TSNARE1: variants seen among roughly 807,000 people sequenced by gnomAD.
TSNARE1 encodes the protein t-SNARE domain-containing protein 1.
In TSNARE1, 49 loss-of-function variants were observed where a neutral mutation model predicts 62.0. The observed-to-expected ratio is 0.79, with a 90% CI of 0.63 to 1.00. The LOEUF is 1.00. Among genes scored for constraint, TSNARE1 ranks in the 50% least tolerant of loss-of-function variants. The pLI is 0.00. For synonymous variants in TSNARE1, 328 were observed against 294.4 expected, an observed-to-expected ratio of 1.11 and a Z score of -1.17; for missense variants, 755 against 700.1, an observed-to-expected ratio of 1.08 and a Z score of -0.88.
At chr8:142,275,922 C>A (rs2130640193) in intron 11 of TSNARE1, 1 of 985,418 alleles carries the variant, frequency 1.0e-6, no homozygotes, top group South Asian at 4.7e-5. Context: ...CCAGCAAGGA[C>A]TCCCTACTCT....
At chr8:142,243,167 G>A (rs931764789) in intron 12 of TSNARE1, among the ~76,000 whole-genome samples, 5 of 152,202 alleles carry the variant, frequency 3.3e-5, no homozygotes, top group East Asian at 1.9e-4. Context: ...GTAAATTAGC[G>A]CAGCCATCAT....
chr8:142,291,339 C>T lies in TSNARE1; in HGVS notation c.1291-6854G>A, dbSNP rs868437522. Among the ~76,000 whole-genome samples, 2 of 152,060 alleles carry T rather than the reference C, an allele frequency of 1.3e-5. No individual in the cohort carries two copies. The highest frequency in any genetic ancestry group is 4.2e-4 in the South Asian group (2 of 4,818). On this transcript the variant is annotated intron_variant, in intron 10 of 13. Transcript: ENST00000524325. This position sits in a 1 kb window ranked among gnomAD's most constrained non-coding sequence, Gnocchi z 4.8. ...TGTGAGCTGTGTGACCCTGGGCAAGCGATGGGCCTGCTCCAAGCCACCGTC... is the reference window on the plus strand; with the variant it reads ...TGTGAGCTGTGTGACCCTGGGCAAGTGATGGGCCTGCTCCAAGCCACCGTC...
chr8:142,371,466 CA>C (rs1051433858), intron 1 of TSNARE1, among the ~76,000 whole-genome samples: 1 of 152,146 alleles, frequency 6.6e-6, no homozygotes, highest in African/African-American at 2.4e-5. Flanking sequence ...ACAAATTCAT[CA>C]AAATTCACTG....
At chr8:142,284,665 C>A (rs1024134157) in intron 10 of TSNARE1, among the ~76,000 whole-genome samples, 180 bp from the exon 11 acceptor site, 1 of 152,038 alleles carries the variant, frequency 6.6e-6, no homozygotes, top group African/African-American at 2.4e-5. Context: ...ATGACTGGGT[C>A]CAGAAAGGGC....
intron 12 of TSNARE1, chr8:142,273,176 C>T: frequency 1.0e-6 from 1 of 985,292 alleles, no homozygotes; most frequent in Non-Finnish European, 1.2e-6. Context: ...CACTGCCCTC[C>T]TTTCCTCCTC....
At chr8:142,281,427 G>A (rs950071674) in intron 11 of TSNARE1, among the ~76,000 whole-genome samples, 3 of 151,994 alleles carry the variant, frequency 2.0e-5, no homozygotes, top group African/African-American at 7.2e-5. Flanking sequence ...CTGTGGGAGG[G>A]GGGCAAGGTC....
At chr8:142,358,508 GAA>G (rs1834920254) in intron 1 of TSNARE1, among the ~76,000 whole-genome samples, 1 of 152,014 alleles carries the variant, frequency 6.6e-6, no homozygotes, top group African/African-American at 2.4e-5. Flanking sequence ...GGAGGGGAGT[GAA>G]GATTTGTGAG....
intron 1 of TSNARE1, among the ~76,000 whole-genome samples, chr8:142,389,703 G>A (rs949861080): frequency 1.1e-4 from 16 of 152,292 alleles, no homozygotes; most frequent in East Asian, 9.6e-4. Flanking sequence ...TTAACACTTC[G>A]TCAAGGGAGG....
Position 142,222,193 on chromosome 8 carries a change from TTCAC to T in TSNARE1, c.*11+7276_*11+7279del, listed in dbSNP as rs1424198173. On this transcript the variant is annotated intron_variant, in intron 13 of 13. Coordinates refer to ENST00000524325, the MANE Select transcript of TSNARE1 (RefSeq NM_145003.5). ...ACTCACTCACTCATCCACTCACTCA[TTCAC>T]TCACTCACTCATCCGCTCATTCACT... 3.6e-4 allele frequency among the ~76,000 whole-genome samples: 21 copies of T among 58,216 alleles called. 4 individuals carry two copies. Among genetic ancestry groups the T allele is most frequent in the Non-Finnish European group, 4.4e-4 (13 of 29,798 alleles). 38.2% of individuals were successfully genotyped at this position (58,216 alleles called of 152,430 possible). A position where few individuals can be genotyped will look rare whatever the true frequency, so the allele number is the denominator to read the frequency against.
At chr8:142,363,024 G>A (rs1304287600) in intron 1 of TSNARE1, among the ~76,000 whole-genome samples, 1 of 152,122 alleles carries the variant, frequency 6.6e-6, no homozygotes, top group African/African-American at 2.4e-5. Flanking sequence ...CATCTAGAAG[G>A]GTTCCTGACC....
chr8:142,384,631 A>G (rs570981026), intron 1 of TSNARE1, among the ~76,000 whole-genome samples: 2 of 152,338 alleles, frequency 1.3e-5, no homozygotes, highest in East Asian at 3.9e-4. Context: ...AGCCCCACGC[A>G]AAAGAATGAA....
intron 1 of TSNARE1, among the ~76,000 whole-genome samples, chr8:142,386,665 C>T (rs1837131636): frequency 6.6e-6 from 1 of 152,138 alleles, no homozygotes; most frequent in East Asian, 1.9e-4. Flanking sequence ...GTATGCCAAG[C>T]AGATACAAAC....
chr8:142,370,531 G>A (rs1435262042), intron 1 of TSNARE1, among the ~76,000 whole-genome samples: 3 of 152,082 alleles, frequency 2.0e-5, no homozygotes, highest in Admixed American at 1.3e-4. Flanking sequence ...AAGCACCACC[G>A]CACTCCAGCC....
At chr8:142,278,457 G>A (rs1258342106) in intron 11 of TSNARE1, 1 of 985,358 alleles carries the variant, frequency 1.0e-6, no homozygotes, top group Admixed American at 6.1e-5. Flanking sequence ...AGTCCTTCCA[G>A]CAGCTCCCAG....
intron 4 of TSNARE1, among the ~76,000 whole-genome samples, chr8:142,332,383 A>G (rs1350876032): frequency 6.6e-6 from 1 of 152,052 alleles, no homozygotes; most frequent in Non-Finnish European, 1.5e-5. Flanking sequence ...CCTAGGACAG[A>G]GCCAGGGCAG....
intron 13 of TSNARE1, among the ~76,000 whole-genome samples, chr8:142,214,163 G>A (rs952337391): frequency 7.2e-5 from 11 of 152,186 alleles, no homozygotes; most frequent in Non-Finnish European, 1.0e-4. Flanking sequence ...AGGCGATGAC[G>A]CTGGGTGCGG....
intron 12 of TSNARE1, among the ~76,000 whole-genome samples, chr8:142,251,735 C>T (rs1241227696): frequency 2.6e-5 from 4 of 151,242 alleles, no homozygotes; most frequent in Middle Eastern, 3.4e-3. Context: ...ACCCGCCACC[C>T]GCGATCTCTG....
At chr8:142,389,612 A>G (rs1837344216) in intron 1 of TSNARE1, among the ~76,000 whole-genome samples, 1 of 152,192 alleles carries the variant, frequency 6.6e-6, no homozygotes, top group South Asian at 2.1e-4. Context: ...GCATATCCAC[A>G]CCATGGAATC....
intron 12 of TSNARE1, among the ~76,000 whole-genome samples, chr8:142,249,921 C>T (rs537661818): frequency 2.2e-4 from 33 of 152,324 alleles, no homozygotes; most frequent in African/African-American, 5.3e-4. Context: ...AACCTGGGGG[C>T]AATTGTGACT....
Sources: gnomAD v4.1 joint callset for allele counts (sites outside exome capture counted in the v4.1 genomes callset) on GRCh38, gnomAD v4.1.1 for gene constraint, Gnocchi (gnomAD v3.1) non-coding constraint, MANE v1.5 for transcripts, NCBI Gene and HGNC (gene_info 2026-07-23, HGNC 2026-07-21) for gene names.